Variants in WDFY3 observed in about 807,000 individuals in gnomAD.
WDFY3 encodes the protein WD repeat and FYVE domain-containing protein 3.
Under a neutral mutation model 409.6 loss-of-function variants are expected in WDFY3, and 66 were observed. That is an observed-to-expected ratio of 0.16 (90% confidence interval 0.13 to 0.20). The LOEUF is 0.20. Ranked by LOEUF, WDFY3 falls within the 10% of genes least tolerant of loss-of-function variation. The pLI is 1.00. For missense variants in WDFY3, 3,031 were observed against 4,298.1 expected (o/e 0.71, Z 8.24); for synonymous variants, 1,521 against 1,537.1 (o/e 0.99, Z 0.25).
intron 65 of WDFY3, 124 bp downstream of exon 65, chr4:84,678,795 A>C: frequency 6.7e-6 from 7 of 1,048,586 alleles, no homozygotes; most frequent in Non-Finnish European, 9.7e-6. Context: ...ATTCTGTGTG[A>C]GTGGCCCAGC....
chr4:84,738,555 T>C (rs1405322157), intron 40 of WDFY3, among the ~76,000 whole-genome samples: 2 of 147,150 alleles, frequency 1.4e-5, no homozygotes, highest in Admixed American at 6.9e-5. Context: ...TGAGCTGAAA[T>C]AGTGCCACTG....
chr4:84,714,060 G>A (rs1733400004), intron 50 of WDFY3, among the ~76,000 whole-genome samples: 1 of 151,880 alleles, frequency 6.6e-6, no homozygotes, highest in Non-Finnish European at 1.5e-5. Context: ...AAGTTGCAGT[G>A]AGCCGAGATT....
chr4:84,679,884 ATATAT>A (rs1221351525), intron 64 of WDFY3, among the ~76,000 whole-genome samples: 2 of 151,692 alleles, frequency 1.3e-5, no homozygotes, highest in Non-Finnish European at 2.9e-5. Flanking sequence ...GTATATATAT[ATATAT>A]ATGTATGTAT....
At chr4:84,701,478 A>G (rs1731058352) in intron 56 of WDFY3, among the ~76,000 whole-genome samples, 1 of 152,256 alleles carries the variant, frequency 6.6e-6, no homozygotes, top group African/African-American at 2.4e-5. Flanking sequence ...ATTTGGAGGT[A>G]GTACAGTTAT....
At chr4:84,718,604 G>A in intron 47 of WDFY3, 34 bp from the exon 48 acceptor site, 4 of 1,589,622 alleles carry the variant, frequency 2.5e-6, no homozygotes, top group Non-Finnish European at 1.7e-6. Context: ...CATTAATATA[G>A]GCTTTTTGTA....
intron 3 of WDFY3, among the ~76,000 whole-genome samples, chr4:84,874,960 T>C (rs1238925589): frequency 6.6e-6 from 1 of 152,010 alleles, no homozygotes; most frequent in Admixed American, 6.6e-5. Flanking sequence ...CTGAATACTA[T>C]AGGCAACTGT....
At chr4:84,810,935 A>ATG (rs10648418) in intron 13 of WDFY3, among the ~76,000 whole-genome samples, 3 of 2,514 alleles carry the variant, frequency 1.2e-3, no homozygotes, top group Non-Finnish European at 0.01. Flanking sequence ...AAAAGAAAAC[A>ATG]AGTAAATAAG....
chr4:84,796,438 T>A, intron 19 of WDFY3, 83 bp downstream of exon 19: 1 of 778,518 alleles, frequency 1.3e-6, no homozygotes, highest in Non-Finnish European at 1.8e-6. Context: ...TTTAATTAAG[T>A]ATATTTAAAA....
At chr4:84,892,608 T>C (rs1055317666) in intron 3 of WDFY3, among the ~76,000 whole-genome samples, 1 of 152,202 alleles carries the variant, frequency 6.6e-6, no homozygotes, top group African/African-American at 2.4e-5. Context: ...TCCCAGTTTA[T>C]ACTGGGCACA....
Position 84,836,909 on chromosome 4 carries a change from G to A in WDFY3, c.576+20C>T, listed in dbSNP as rs763828373. On this transcript the variant is annotated intron_variant, in intron 7 of 67. Transcript: ENST00000295888. ...TTCCCTTTAAATAGGGTGGAGGTAG[G>A]CAAATAGCACCTTTCATACCTGTAC... 2.0e-6 allele frequency: 3 copies of A among 1,479,578 alleles called. No individual in the cohort carries two copies. Among genetic ancestry groups the A allele is most frequent in the South Asian group, 1.5e-5 (1 of 66,798 alleles). The allele number at this position is 1,479,578 out of a possible 1,614,324, so 91.7% of individuals were successfully genotyped here. A position where few individuals can be genotyped will look rare whatever the true frequency, so the allele number is the denominator to read the frequency against.
intron 4 of WDFY3, among the ~76,000 whole-genome samples, chr4:84,856,014 G>A (rs1759718568): frequency 6.6e-6 from 1 of 152,150 alleles, no homozygotes; most frequent in Admixed American, 6.5e-5. Context: ...TTTCAGGGCT[G>A]AATTCAGCAA....
At chr4:84,898,192 A>G (rs1765887654) in intron 2 of WDFY3, among the ~76,000 whole-genome samples, 1 of 152,208 alleles carries the variant, frequency 6.6e-6, no homozygotes, top group African/African-American at 2.4e-5. Context: ...TGACTACTGT[A>G]TTAGACAGAG....
At chr4:84,957,370 AATC>A (rs1221914582) in intron 1 of WDFY3, among the ~76,000 whole-genome samples, 1 of 152,142 alleles carries the variant, frequency 6.6e-6, no homozygotes, top group Non-Finnish European at 1.5e-5. Context: ...TATTATACAC[AATC>A]TATTGGACAC....
At chr4:84,865,881 G>A (rs563004211) in intron 3 of WDFY3, among the ~76,000 whole-genome samples, 28 of 152,160 alleles carry the variant, frequency 1.8e-4, no homozygotes, top group African/African-American at 6.3e-4. Flanking sequence ...ACCAGTTTGG[G>A]ACACATGACA....
At chr4:84,856,485 C>T (rs1478182252) in intron 4 of WDFY3, among the ~76,000 whole-genome samples, 1 of 152,108 alleles carries the variant, frequency 6.6e-6, no homozygotes, top group African/African-American at 2.4e-5. Context: ...TTTAAGAATG[C>T]TGAATAAATA....
chr4:84,691,567 T>A, intron 60 of WDFY3, 64 bp downstream of exon 60: 1 of 1,540,540 alleles, frequency 6.5e-7, no homozygotes, highest in Non-Finnish European at 8.9e-7. Flanking sequence ...ACCCTATTAG[T>A]CATATAGGAT....
intron 3 of WDFY3, among the ~76,000 whole-genome samples, chr4:84,891,152 A>G (rs987605818): frequency 3.9e-5 from 6 of 152,210 alleles, no homozygotes; most frequent in Non-Finnish European, 5.9e-5. Flanking sequence ...CTTAGAAACC[A>G]GTGTTGAGGT....
chr4:84,769,613 G>A lies in WDFY3; in HGVS notation c.4849+3222C>T, dbSNP rs543579229. Reference sequence around the variant, plus strand: ...TTGTGTGTATTTTTTTAGTAGAGACGGGGTTTCACCATGTTAGCCAGGATG... The same window carrying A: ...TTGTGTGTATTTTTTTAGTAGAGACAGGGTTTCACCATGTTAGCCAGGATG... On this transcript the variant is annotated intron_variant, in intron 30 of 67. Coordinates refer to ENST00000295888, the MANE Select transcript of WDFY3 (RefSeq NM_014991.6). 1.9e-4 allele frequency among the ~76,000 whole-genome samples: 29 copies of A among 151,900 alleles called. No individual in the cohort carries two copies. In the South Asian group the frequency reaches 3.1e-3, roughly 16 times the overall value.
rs115895674 is a variant in WDFY3, at chr4:84,768,275, G to A, written c.4850-1903C>T. On this transcript the variant is annotated intron_variant, in intron 30 of 67. Coordinates refer to ENST00000295888, the MANE Select transcript of WDFY3 (RefSeq NM_014991.6). ...AATGAAAGTGACTACGCTAAACAAC[G>A]GATTTCTCCAACAGACTTCTCAACA... Among the ~76,000 whole-genome samples the A allele has an allele frequency of 1.5e-3, 225 of 152,258 alleles. 2 individuals carry two copies. The highest frequency in any genetic ancestry group is 5.2e-3 in the African/African-American group (214 of 41,542).
Sources: allele counts gnomAD v4.1 joint callset (sites outside exome capture counted in the v4.1 genomes callset), GRCh38; gene constraint gnomAD v4.1.1; transcripts MANE v1.5; gene names NCBI Gene and HGNC (gene_info 2026-07-23, HGNC 2026-07-21).